The following FHIT variants were observed in gnomAD, a reference collection of about 807,000 sequenced individuals.
The protein encoded by FHIT is fragile histidine triad diadenosine triphosphatase.
Under a neutral mutation model 17.9 loss-of-function variants are expected in FHIT, and 19 were observed. That is an observed-to-expected ratio of 1.06 (90% CI 0.74 to 1.56). The LOEUF is 1.56. Among genes scored for constraint, FHIT ranks in the 40% most tolerant of loss-of-function variants. The probability of loss-of-function intolerance (pLI) is 0.00; values close to 1 mark genes in which losing one functional copy is unlikely to be tolerated. For synonymous variants in FHIT, 81 were observed against 69.7 expected (o/e 1.16, Z -0.81); for missense variants, 248 against 189.2 (o/e 1.31, Z -1.82).
intron 5 of FHIT, among the ~76,000 whole-genome samples, chr3:60,310,281 TTTCAAGGGATGCTAGGTGTTC>T (rs1205730478): frequency 1.3e-5 from 2 of 152,144 alleles, no homozygotes; most frequent in Non-Finnish European, 2.9e-5. Context: ...CTGTGGTGTT[TTTCAAGGGATGCTAGGTGTTC>T]TTCAAGGTCA....
At chr3:60,980,573 C>T (rs6762126) in intron 3 of FHIT, among the ~76,000 whole-genome samples, 24,223 of 152,162 alleles carry the variant, frequency 0.16, 2,500 homozygotes, top group Middle Eastern at 0.26. Flanking sequence ...TCCCAGATGT[C>T]GGTTCCAGAA....
intron 8 of FHIT, among the ~76,000 whole-genome samples, chr3:59,784,443 T>A (rs181861189): frequency 4.1e-4 from 63 of 152,318 alleles, no homozygotes; most frequent in Non-Finnish European, 8.1e-4. Context: ...AAATCCCAAC[T>A]CCTTAACAAG....
At chr3:59,895,847 G>C (rs1397045317) in intron 8 of FHIT, among the ~76,000 whole-genome samples, 3 of 152,126 alleles carry the variant, frequency 2.0e-5, no homozygotes, top group Non-Finnish European at 4.4e-5. Flanking sequence ...ATCTTACAAA[G>C]TCTGGCACCT....
chr3:60,450,968 A>G (rs2031700265), intron 5 of FHIT, among the ~76,000 whole-genome samples: 1 of 152,116 alleles, frequency 6.6e-6, no homozygotes, highest in Non-Finnish European at 1.5e-5. Context: ...CTTCTTAATT[A>G]ATTGCTTTCA....
At chr3:60,030,845 AAAAAT>A (rs1700969186) in intron 5 of FHIT, among the ~76,000 whole-genome samples, 1 of 152,224 alleles carries the variant, frequency 6.6e-6, no homozygotes, top group Non-Finnish European at 1.5e-5. Context: ...ATTAATAAAT[AAAAAT>A]AAATAAATAA....
At chr3:60,348,298 A>G (rs1228889164) in intron 5 of FHIT, among the ~76,000 whole-genome samples, 6 of 152,214 alleles carry the variant, frequency 3.9e-5, no homozygotes, top group Non-Finnish European at 8.8e-5. Context: ...CAATTTTTAA[A>G]CCCAGTATTT....
intron 5 of FHIT, among the ~76,000 whole-genome samples, chr3:60,056,250 G>A (rs1482846775): frequency 6.6e-6 from 1 of 151,786 alleles, no homozygotes; most frequent in Non-Finnish European, 1.5e-5. Context: ...GGATTCTGTA[G>A]AAGATTTCTC....
At chr3:60,754,606 G>A (rs1311784055) in intron 4 of FHIT, among the ~76,000 whole-genome samples, 1 of 152,110 alleles carries the variant, frequency 6.6e-6, no homozygotes, top group Admixed American at 6.5e-5. Context: ...ACTCCAGCCT[G>A]GGTGAGAAGA....
At chr3:61,179,719 A>C (rs955042363) in intron 2 of FHIT, among the ~76,000 whole-genome samples, 8 of 150,040 alleles carry the variant, frequency 5.3e-5, no homozygotes, top group Non-Finnish European at 8.9e-5. Context: ...AAAAAAAAAA[A>C]AAAAAAAAAA....
rs117911277 is a variant in FHIT at position 60,291,400 on chromosome 3, G to A, written c.103+245460C>T. Among the ~76,000 whole-genome samples, 79 of 152,158 alleles carry A rather than the reference G, an allele frequency of 5.2e-4. 1 individual carries two copies. In the East Asian group the frequency reaches 0.013, roughly 26 times the overall value. ...CCCTAATCTTTTATTATGCTGTCAC[G>A]TCCTCTATCTGAGCTGTGCCATGTT... On this transcript the variant is annotated intron_variant, in intron 5 of 9. Coordinates refer to ENST00000492590, the MANE Select transcript of FHIT (RefSeq NM_002012.4).
chr3:60,112,215 G>C (rs1158513647), intron 5 of FHIT, among the ~76,000 whole-genome samples: 1 of 152,054 alleles, frequency 6.6e-6, no homozygotes, highest in African/African-American at 2.4e-5. Context: ...AGGGCTGAAA[G>C]TACAACTCTA....
intron 5 of FHIT, among the ~76,000 whole-genome samples, chr3:60,025,010 T>C (rs1250575315): frequency 6.6e-6 from 1 of 152,094 alleles, no homozygotes; most frequent in Non-Finnish European, 1.5e-5. Context: ...TTGAGATGTA[T>C]GTTTGAGGTA....
At chr3:60,033,861 G>C (rs571700700) in intron 5 of FHIT, among the ~76,000 whole-genome samples, 3 of 152,160 alleles carry the variant, frequency 2.0e-5, no homozygotes, top group Non-Finnish European at 2.9e-5. Flanking sequence ...GCAAGTATTA[G>C]CATCATCAAC....
chr3:60,389,472 T>C (rs1701140447), intron 5 of FHIT, among the ~76,000 whole-genome samples: 1 of 152,222 alleles, frequency 6.6e-6, no homozygotes, highest in African/African-American at 2.4e-5. Flanking sequence ...GTAGGCTTTC[T>C]GCTTATACAC....
intron 7 of FHIT, among the ~76,000 whole-genome samples, chr3:60,005,298 C>T (rs906828326): frequency 7.6e-6 from 1 of 132,400 alleles, no homozygotes; most frequent in Non-Finnish European, 1.6e-5. Flanking sequence ...AGTTAACAAA[C>T]TAGAAACGGA....
chr3:60,663,321 T>C (rs2040306941), intron 4 of FHIT, among the ~76,000 whole-genome samples: 1 of 151,580 alleles, frequency 6.6e-6, no homozygotes, highest in African/African-American at 2.4e-5. Context: ...TGGGCAGAAC[T>C]GACATCTTTA....
At chr3:60,664,193 T>A (rs2040328486) in intron 4 of FHIT, among the ~76,000 whole-genome samples, 1 of 152,184 alleles carries the variant, frequency 6.6e-6, no homozygotes, top group African/African-American at 2.4e-5. Context: ...ATGATGATAT[T>A]ATTTACTTTT....
chr3:59,922,547 T>C lies in FHIT; in HGVS notation c.280-133A>G, dbSNP rs1338469013. The stretch of plus-strand genomic sequence containing the variant: ...GGTTATTTTTCAGAGGAAGTTGATA[T>C]CCACCTTCGGTAACTATACCTGAAA... On this transcript the variant is annotated intron_variant, in intron 7 of 9. Transcript: ENST00000492590. 5.6e-6 allele frequency: 4 copies of C among 713,092 alleles called. No homozygotes were observed. In the East Asian group the frequency reaches 8.1e-5, roughly 14 times the overall value. 44.2% of individuals were successfully genotyped at this position (713,092 alleles called of 1,614,324 possible). A position where few individuals can be genotyped will look rare whatever the true frequency, so the allele number is the denominator to read the frequency against.
chr3:60,700,271 T>C (rs1287542774), intron 4 of FHIT, among the ~76,000 whole-genome samples: 1 of 152,174 alleles, frequency 6.6e-6, no homozygotes, highest in African/African-American at 2.4e-5. Context: ...ATTACTTGTT[T>C]ATCCTTCTAC....
Sources: gnomAD v4.1 joint callset for allele counts (sites outside exome capture counted in the v4.1 genomes callset) on GRCh38, gnomAD v4.1.1 for gene constraint, MANE v1.5 for transcripts, NCBI Gene and HGNC (gene_info 2026-07-23, HGNC 2026-07-21) for gene names.